The following LPP variants were observed in gnomAD, a reference collection of about 807,000 sequenced individuals.
LPP encodes LIM domain containing preferred translocation partner in lipoma.
In LPP, 38 loss-of-function variants were observed where a neutral mutation model predicts 60.4. The ratio of observed to expected loss-of-function variants is 0.63; its 90% CI spans 0.49 to 0.83. The LOEUF (loss-of-function observed/expected upper bound fraction) is 0.83, where lower values mean the gene tolerates loss of function less well. Among genes scored for constraint, LPP ranks in the 40% least tolerant of loss-of-function variants. The pLI is 0.00. For missense variants in LPP, 902 were observed against 783.6 expected (o/e 1.15, Z -1.80); for synonymous variants, 328 against 290.8 (o/e 1.13, Z -1.30).
rs568851273 is a variant in LPP, at chr3:188,879,545, G to A, written c.*5066G>A. On this transcript the variant is annotated 3_prime_UTR_variant, in exon 12 of 12. Coordinates refer to ENST00000617246, the MANE Select transcript of LPP (RefSeq NM_001375462.1). ...TAATGAATTTTCATCAGGGACTGAG[G>A]TCATAGATTCTTGGAAAATTCATTT... is the stretch of plus-strand genomic sequence containing the variant. 1 of 193,880 alleles carries A rather than the reference G, an allele frequency of 5.2e-6. No individual in the cohort carries two copies. The highest frequency in any genetic ancestry group is 8.1e-5 in the East Asian group (1 of 12,364). The allele number at this position is 193,880 out of a possible 1,614,324, so 12.0% of individuals were successfully genotyped here.
chr3:188,855,892 T>G (rs899442728), intron 9 of LPP, among the ~76,000 whole-genome samples: 3 of 152,208 alleles, frequency 2.0e-5, no homozygotes, highest in Non-Finnish European at 4.4e-5. Flanking sequence ...TCTGCTTTAT[T>G]TCTCCTTGCC....
intron 8 of LPP, chr3:188,711,334 A>G (rs2149734108): frequency 6.6e-6 from 1 of 152,340 alleles, no homozygotes; most frequent in African/African-American, 2.4e-5. Flanking sequence ...ACCCTGTGAA[A>G]TAGATACTAT....
chr3:188,335,647 G>C (rs1198175081), intron 2 of LPP, among the ~76,000 whole-genome samples: 1 of 151,994 alleles, frequency 6.6e-6, no homozygotes, highest in Non-Finnish European at 1.5e-5. Context: ...TAGTAAAATT[G>C]TCTATCTGTA....
intron 4 of LPP, among the ~76,000 whole-genome samples, chr3:188,425,639 C>T (rs1052985262): frequency 2.6e-5 from 4 of 152,176 alleles, no homozygotes; most frequent in South Asian, 4.1e-4. Flanking sequence ...TGTTATTGGT[C>T]TATTCAGGGA....
At chr3:188,311,877 G>A (rs914849604) in intron 2 of LPP, among the ~76,000 whole-genome samples, 1 of 152,122 alleles carries the variant, frequency 6.6e-6, no homozygotes, top group African/African-American at 2.4e-5. Flanking sequence ...GAGCTCAGAT[G>A]ATTCTCCTGC....
chr3:188,243,995 C>T (rs1023432336), intron 2 of LPP, among the ~76,000 whole-genome samples: 65 of 152,284 alleles, frequency 4.3e-4, no homozygotes, highest in African/African-American at 1.4e-3. Flanking sequence ...CCTGCCTCAG[C>T]CTCCTGAGTA....
intron 4 of LPP, among the ~76,000 whole-genome samples, chr3:188,419,875 C>G (rs1787318463): frequency 2.0e-5 from 3 of 152,004 alleles, no homozygotes. Context: ...CAGAGTAAGA[C>G]TCCATCTCAA....
chr3:188,222,041 A>C (rs1244775411), intron 1 of LPP, among the ~76,000 whole-genome samples: 1 of 152,168 alleles, frequency 6.6e-6, no homozygotes, highest in Non-Finnish European at 1.5e-5. Flanking sequence ...TTCAGTGTTC[A>C]ATTGGGAAAT....
intron 8 of LPP, among the ~76,000 whole-genome samples, chr3:188,738,757 G>T (rs1036813889): frequency 2.0e-5 from 3 of 152,108 alleles, no homozygotes; most frequent in Non-Finnish European, 4.4e-5. Context: ...TGTGAAAGTT[G>T]CATTCACTGT....
At chr3:188,274,154 G>A (rs1368875886) in intron 2 of LPP, among the ~76,000 whole-genome samples, 1 of 151,952 alleles carries the variant, frequency 6.6e-6, no homozygotes, top group East Asian at 1.9e-4. Context: ...TGTAGTTTGG[G>A]ACTTCCTAAC....
chr3:188,502,762 A>C (rs1447294031), intron 5 of LPP, among the ~76,000 whole-genome samples: 2 of 152,156 alleles, frequency 1.3e-5, no homozygotes, highest in East Asian at 3.8e-4. Context: ...GGTTTAGCCT[A>C]ACCTACTCTA....
In LPP at chr3:188,874,843, G is replaced by A. The variant is rs1769058950; in HGVS notation, c.*364G>A. 4.1e-6 allele frequency: 1 copy of A among 245,032 alleles called. No homozygotes were observed. The highest frequency in any genetic ancestry group is 8.0e-6 in the Non-Finnish European group (1 of 124,604). The allele number at this position is 245,032 out of a possible 1,614,324, so 15.2% of individuals were successfully genotyped here. Reference sequence around the variant, plus strand: ...TATTTGCTGTCACATAGTTTTTCCTGGGTGAGTCTGCCAACTCACAGGTGC... The same window carrying A: ...TATTTGCTGTCACATAGTTTTTCCTAGGTGAGTCTGCCAACTCACAGGTGC... On this transcript the variant is annotated 3_prime_UTR_variant, in exon 12 of 12. Coordinates refer to ENST00000617246, the MANE Select transcript of LPP (RefSeq NM_001375462.1).
In LPP at chr3:188,406,164, C is replaced by T. The variant is rs757883563; in HGVS notation, c.44C>T (p.Pro15Leu). 1 of 1,614,114 alleles carries T rather than the reference C, an allele frequency of 6.2e-7. No homozygotes were observed. Among genetic ancestry groups the T allele is most frequent in the Non-Finnish European group, 8.5e-7 (1 of 1,179,976 alleles). The part of the protein sequence containing the change: ...SWLPPKSTGE[P>L]LGHVPARMET... Reference sequence around the variant, plus strand: ...CTGCCACCCAAAAGCACTGGTGAGCCCCTCGGCCATGTGCCTGCACGGATG... The same window carrying T: ...CTGCCACCCAAAAGCACTGGTGAGCTCCTCGGCCATGTGCCTGCACGGATG... Residue 15 changes from proline to leucine, a missense_variant, in exon 4 of 12, where the codon CCC becomes CTC. By Grantham distance (98) the Pro-to-Leu change is moderately conservative (BLOSUM62 -3). Transcript: ENST00000617246.
intron 7 of LPP, among the ~76,000 whole-genome samples, chr3:188,654,228 G>T (rs762157754): frequency 6.6e-6 from 1 of 152,148 alleles, no homozygotes; most frequent in African/African-American, 2.4e-5. Flanking sequence ...GAAGAGAAAC[G>T]ATGTTCTTTA....
At position 188,609,364 on chromosome 3, in the gene LPP, C is replaced by G. The variant is rs1344870569; in HGVS notation, c.633C>G (p.Thr211=). 2.5e-6 allele frequency: 4 copies of G among 1,614,020 alleles called. No individual in the cohort carries two copies. Among genetic ancestry groups the G allele is most frequent in the Non-Finnish European group, 3.4e-6 (4 of 1,180,036 alleles). Residue 211 remains threonine (T), a synonymous_variant, in exon 7 of 12, where the codon ACC becomes ACG. Transcript: ENST00000617246. The surrounding 1 kb of genome is among the most constrained non-coding windows in gnomAD (Gnocchi z 6.9). ...CTCAGCCAGTCCCAGCCTCCTACAC[C>G]ACGGCCTCCACTTCTTCAAGGCCTA... ...PQPQPVPASY[T]TASTSSRPTF...
chr3:188,801,630 G>T (rs1358383647), intron 9 of LPP, among the ~76,000 whole-genome samples: 1 of 152,164 alleles, frequency 6.6e-6, no homozygotes, highest in Non-Finnish European at 1.5e-5. Context: ...CACTCAGCTA[G>T]TTAGTACCAG....
intron 1 of LPP, among the ~76,000 whole-genome samples, chr3:188,172,240 T>A (rs375002333): frequency 3.3e-4 from 51 of 152,374 alleles, no homozygotes; most frequent in African/African-American, 1.1e-3. Context: ...TGGAAAACTC[T>A]GCTCTAAGTA....
chr3:188,823,488 A>G (rs1168377695), intron 9 of LPP, among the ~76,000 whole-genome samples: 1 of 152,222 alleles, frequency 6.6e-6, no homozygotes, highest in Non-Finnish European at 1.5e-5. Context: ...GGGAGCAGAA[A>G]AAAACAAACA....
intron 5 of LPP, among the ~76,000 whole-genome samples, chr3:188,489,606 G>A (rs751865561): frequency 1.3e-4 from 20 of 152,056 alleles, no homozygotes; most frequent in Non-Finnish European, 2.2e-4. Flanking sequence ...TAAATATAAG[G>A]GTGATATCCC....
Sources: allele counts gnomAD v4.1 joint callset (sites outside exome capture counted in the v4.1 genomes callset), GRCh38; gene constraint gnomAD v4.1.1; non-coding constraint Gnocchi (gnomAD v3.1); transcripts MANE v1.5; gene names NCBI Gene and HGNC (gene_info 2026-07-23, HGNC 2026-07-21).